The following SHLD1 variants were observed in gnomAD, a reference collection of about 807,000 sequenced individuals.
SHLD1 encodes the protein shieldin complex subunit 1.
Under a neutral mutation model 5.5 loss-of-function variants are expected in SHLD1, and 3 were observed. That is an observed-to-expected ratio of 0.54 (90% CI 0.25 to 1.40). The LOEUF is 1.40. Ranked by LOEUF, SHLD1 falls within the 40% of genes most tolerant of loss-of-function variation. The pLI is 0.15. For synonymous variants in SHLD1, 92 were observed against 94.3 expected (o/e 0.98, Z 0.14); for missense variants, 210 against 244.4 (o/e 0.86, Z 0.94).
chr20:5,761,218 G>T (rs1427918209), intron 1 of SHLD1, among the ~76,000 whole-genome samples: 3 of 151,952 alleles, frequency 2.0e-5, no homozygotes, highest in African/African-American at 7.3e-5. Flanking sequence ...AGAACACAGG[G>T]ACACAGGGAG....
intron 2 of SHLD1, among the ~76,000 whole-genome samples, chr20:5,794,976 C>T (rs1012029069): frequency 6.6e-6 from 1 of 152,126 alleles, no homozygotes; most frequent in Admixed American, 6.6e-5. Flanking sequence ...TGGTGGCTCA[C>T]ACCTGTAATC....
rs1259079361 is a variant in SHLD1, at chr20:5,839,545, C to CAGAT, written c.179-23476_179-23475insTAGA. 2.5e-3 allele frequency among the ~76,000 whole-genome samples: 375 copies of CAGAT among 148,776 alleles called. 3 individuals are homozygous for CAGAT. The highest frequency in any genetic ancestry group is 7.3e-3 in the South Asian group (34 of 4,654). ...GATAGATGATAGATAGACAGATAGA[C>CAGAT]AGAAAAGCAGACCAAAGTATACCAC... On this transcript the variant is annotated intron_variant, in intron 2 of 2. Coordinates refer to ENST00000303142, the MANE Select transcript of SHLD1 (RefSeq NM_152504.4).
Position 5,863,361 on chromosome 20 carries a change from G to C in SHLD1, c.516G>C (p.Leu172=). Residue 172 remains leucine, a synonymous_variant, in exon 3 of 3, where the codon CTG becomes CTC. Coordinates refer to ENST00000303142, the MANE Select transcript of SHLD1 (RefSeq NM_152504.4). ...CCAGGGACACCCACTTCTACCCACT[G>C]GAGGAAGGAAGTACATCTTTGGATG... ...RHSRDTHFYP[L]EEGSTSLDDE... is the part of the protein sequence containing the mutation. 6.2e-7 allele frequency: 1 copy of C among 1,614,190 alleles called. No individual in the cohort carries two copies.
intron 2 of SHLD1, chr20:5,773,268 T>C: frequency 1.5e-6 from 1 of 664,714 alleles, no homozygotes; most frequent in Non-Finnish European, 2.8e-6. Flanking sequence ...TTTTTGTTAT[T>C]GTTGCTGTTA....
At chr20:5,791,019 C>T (rs1406867474) in intron 2 of SHLD1, among the ~76,000 whole-genome samples, 1 of 151,744 alleles carries the variant, frequency 6.6e-6, no homozygotes, top group Non-Finnish European at 1.5e-5. Context: ...AAAAATTTGC[C>T]AGGCAGGGTG....
rs752647466 is a variant in SHLD1 at position 5,849,965 on chromosome 20, C to CAAAAA, written c.179-13039_179-13035dup. ...TGGGCGACAGAGCGAGACTCCGTCTCAAAAAAAAAAAAAAAAAAAAAAAAT... is the reference window on the plus strand; with the variant it reads ...TGGGCGACAGAGCGAGACTCCGTCTCAAAAAAAAAAAAAAAAAAAAAAAAAAAAAT... On this transcript the variant is annotated intron_variant, in intron 2 of 2. Transcript: ENST00000303142. 2.4e-3 allele frequency among the ~76,000 whole-genome samples: 118 copies of CAAAAA among 50,210 alleles called. 5 individuals carry two copies. The highest frequency in any genetic ancestry group is 9.6e-3 in the Middle Eastern group (1 of 104). The allele number at this position is 50,210 out of a possible 152,430, so 32.9% of individuals were successfully genotyped here.
intron 1 of SHLD1, among the ~76,000 whole-genome samples, chr20:5,765,769 CTTTTTTTTTTT>C (rs756234026): frequency 0.028 from 1,743 of 62,120 alleles, 39 homozygotes; most frequent in Middle Eastern, 0.11. Context: ...CGCACAAATC[CTTTTTTTTTTT>C]TTTTTTTTTT....
intron 2 of SHLD1, among the ~76,000 whole-genome samples, chr20:5,859,098 T>C (rs2088126920): frequency 6.6e-6 from 1 of 152,088 alleles, no homozygotes; most frequent in Non-Finnish European, 1.5e-5. Flanking sequence ...AGCCATCTCA[T>C]GGTCTGAGAA....
chr20:5,857,575 G>A (rs1490306872), intron 2 of SHLD1, among the ~76,000 whole-genome samples: 2 of 151,906 alleles, frequency 1.3e-5, no homozygotes, highest in African/African-American at 2.4e-5. Context: ...TTGGGAGGCC[G>A]AGGCGGGCAG....
At chr20:5,797,832 G>A (rs1894750209) in intron 2 of SHLD1, among the ~76,000 whole-genome samples, 1 of 152,132 alleles carries the variant, frequency 6.6e-6, no homozygotes, top group South Asian at 2.1e-4. Flanking sequence ...AGGCCTCTTT[G>A]TTCACTATTT....
Position 5,772,822 on chromosome 20 carries a change from G to A in SHLD1, c.-4-40G>A, listed in dbSNP as rs763955053. On this transcript the variant is annotated intron_variant, in intron 1 of 2. Coordinates refer to ENST00000303142, the MANE Select transcript of SHLD1 (RefSeq NM_152504.4). Reference sequence around the variant, plus strand: ...CTCCAATGAAGGATCCTGCTATGTGGTGCCTTTTGTACTGAATTGTTTTCT... The same window carrying A: ...CTCCAATGAAGGATCCTGCTATGTGATGCCTTTTGTACTGAATTGTTTTCT... 21 of 1,546,130 alleles carry A rather than the reference G, an allele frequency of 1.4e-5. No homozygotes were observed. The South Asian group carries it at 1.9e-4, about 14-fold the overall frequency.
At chr20:5,763,799 A>G (rs905576830) in intron 1 of SHLD1, among the ~76,000 whole-genome samples, 1 of 151,874 alleles carries the variant, frequency 6.6e-6, no homozygotes, top group African/African-American at 2.4e-5. Context: ...GGTTTACATC[A>G]TCAAGCCATT....
At chr20:5,751,955 G>GAA (rs1983773986) in intron 1 of SHLD1, among the ~76,000 whole-genome samples, 4 of 152,220 alleles carry the variant, frequency 2.6e-5, no homozygotes, top group Admixed American at 2.0e-4. Flanking sequence ...GCTGACAGTT[G>GAA]CTTGAGAGAG....
intron 2 of SHLD1, among the ~76,000 whole-genome samples, chr20:5,777,052 A>C (rs1985463819): frequency 6.6e-6 from 1 of 151,428 alleles, no homozygotes; most frequent in East Asian, 2.0e-4. Context: ...GCAGTGGCAC[A>C]ATCTCGGCTC....
At chr20:5,794,604 A>T (rs901864062) in intron 2 of SHLD1, among the ~76,000 whole-genome samples, 3 of 152,158 alleles carry the variant, frequency 2.0e-5, no homozygotes, top group African/African-American at 7.2e-5. Context: ...TGTGAGTGTC[A>T]TGTATATTTG....
intron 2 of SHLD1, among the ~76,000 whole-genome samples, chr20:5,784,705 C>T (rs2087036415): frequency 6.6e-6 from 1 of 152,212 alleles, no homozygotes; most frequent in South Asian, 2.1e-4. Flanking sequence ...CCGCCTCAGC[C>T]TCCCAAAGTG....
chr20:5,849,785 C>A (rs2087979371), intron 2 of SHLD1, among the ~76,000 whole-genome samples: 1 of 150,180 alleles, frequency 6.7e-6, no homozygotes, highest in East Asian at 2.0e-4. Context: ...AGGTGAAACC[C>A]CGTCTCTACT....
At chr20:5,767,312 T>A (rs1343542062) in intron 1 of SHLD1, among the ~76,000 whole-genome samples, 5 of 152,136 alleles carry the variant, frequency 3.3e-5, no homozygotes, top group African/African-American at 9.6e-5. Flanking sequence ...ATGTATTTTT[T>A]AAATTTTTAA....
chr20:5,800,846 T>C (rs191819776), intron 2 of SHLD1, among the ~76,000 whole-genome samples: 1 of 40,226 alleles, frequency 2.5e-5, no homozygotes, highest in East Asian at 0.033. Context: ...TATACCTGTG[T>C]GTGTGTGTGT....
Sources: gnomAD v4.1 joint callset for allele counts (sites outside exome capture counted in the v4.1 genomes callset) on GRCh38, gnomAD v4.1.1 for gene constraint, MANE v1.5 for transcripts, NCBI Gene and HGNC (gene_info 2026-07-23, HGNC 2026-07-21) for gene names.